Variants in MGST1 observed in about 807,000 individuals in gnomAD.
The protein encoded by MGST1 is microsomal glutathione S-transferase 1, also known as glutathione S-transferase 12.
Under a neutral mutation model 8.9 loss-of-function variants are expected in MGST1, and 5 were observed. That is an observed-to-expected ratio of 0.56 (90% CI 0.29 to 1.19). MGST1 has a LOEUF of 1.19. Among genes scored for constraint, MGST1 ranks in the 50% most tolerant of loss-of-function variants. The probability of loss-of-function intolerance (pLI) is 0.08; values close to 1 mark genes in which losing one functional copy is unlikely to be tolerated. For missense variants in MGST1, 182 were observed against 187.4 expected (o/e 0.97, Z 0.17); for synonymous variants, 54 against 67.8 (o/e 0.80, Z 1.00).
chr12:16,467,153 T>C (rs1941261356), intron 4 of MGST1, among the ~76,000 whole-genome samples: 1 of 152,232 alleles, frequency 6.6e-6, no homozygotes, highest in Non-Finnish European at 1.5e-5. Context: ...CACTAGAAGG[T>C]CAATGTAATA....
chr12:16,542,359 A>G (rs1454403895), intron 4 of MGST1, among the ~76,000 whole-genome samples: 3 of 152,206 alleles, frequency 2.0e-5, no homozygotes, highest in Non-Finnish European at 2.9e-5. Context: ...GCATTTATTT[A>G]TGTCATATTT....
chr12:16,520,845 C>T (rs1022403430), intron 4 of MGST1, among the ~76,000 whole-genome samples: 5 of 152,168 alleles, frequency 3.3e-5, no homozygotes, highest in Non-Finnish European at 7.4e-5. Context: ...TTGTAAGGAG[C>T]CTGTTTCATT....
chr12:16,487,709 G>A (rs1477770643), intron 4 of MGST1, among the ~76,000 whole-genome samples: 6 of 152,072 alleles, frequency 3.9e-5, no homozygotes, highest in Non-Finnish European at 7.4e-5. Flanking sequence ...GGGCAGTGGC[G>A]TGATCGTAGC....
At chr12:16,462,828 A>G in intron 4 of MGST1, among the ~76,000 whole-genome samples, 1 of 152,184 alleles carries the variant, frequency 6.6e-6, no homozygotes, top group East Asian at 1.9e-4. Context: ...TAATACTCAG[A>G]TCTCCTAGCT....
At chr12:16,526,413 C>T (rs1221828549) in intron 4 of MGST1, among the ~76,000 whole-genome samples, 4 of 151,886 alleles carry the variant, frequency 2.6e-5, no homozygotes, top group East Asian at 3.9e-4. Flanking sequence ...ACTCCTAGTG[C>T]GGTATGTTGC....
At chr12:16,397,587 C>T (rs1292029344) in intron 1 of MGST1, among the ~76,000 whole-genome samples, 1 of 151,124 alleles carries the variant, frequency 6.6e-6, no homozygotes, top group Non-Finnish European at 1.5e-5. Flanking sequence ...CAAAAAAAAA[C>T]AAACAACAAA....
At chr12:16,349,225 C>T (rs1939343756) in intron 1 of MGST1, 1 of 152,176 alleles carries the variant, frequency 6.6e-6, no homozygotes, top group Non-Finnish European at 1.5e-5. Flanking sequence ...CCAGATTATT[C>T]ATGTGTTTCA....
rs1476058897 is a variant in MGST1, at chr12:16,456,286, G to T, written n.482+72682G>T. Among the ~76,000 whole-genome samples, 3 of 151,688 alleles carry T rather than the reference G, an allele frequency of 2.0e-5. No homozygotes were observed. The East Asian group carries it at 5.8e-4, about 29-fold the overall frequency. On this transcript the variant is annotated intron_variant and non_coding_transcript_variant, in intron 4 of 4. Transcript: ENST00000538857. ...TTCTTGTAAATGCATATAAGTTATT[G>T]TCAAATATTTTCTGAATGTTAGATA...
rs1940730229 is a variant in MGST1, at chr12:16,410,048, G to A, written n.778+26444G>A. On this transcript the variant is annotated intron_variant and non_coding_transcript_variant, in intron 1 of 1. Transcript: ENST00000359720. This position sits in a 1 kb window ranked among gnomAD's most constrained non-coding sequence, Gnocchi z 4.4. Reference sequence around the variant, plus strand: ...TCTTGTATCCTGGGAAGTGAGTGGGGTAGTGTAGCGCAGATTTAACTCTGA... The same window carrying A: ...TCTTGTATCCTGGGAAGTGAGTGGGATAGTGTAGCGCAGATTTAACTCTGA... Among the ~76,000 whole-genome samples, 1 of 152,124 alleles carries A rather than the reference G, an allele frequency of 6.6e-6. No individual in the cohort carries two copies. The highest frequency in any genetic ancestry group is 1.5e-5 in the Non-Finnish European group (1 of 68,026).
downstream of MGST1, among the ~76,000 whole-genome samples, chr12:16,379,879 G>A (rs1001485218): frequency 1.3e-5 from 2 of 152,120 alleles, no homozygotes; most frequent in Admixed American, 6.6e-5. Flanking sequence ...GTCTTGGGAG[G>A]ATGTATGTGT....
chr12:16,568,070 A>G (rs1243000955), intron 4 of MGST1, among the ~76,000 whole-genome samples: 1 of 152,214 alleles, frequency 6.6e-6, no homozygotes, highest in Non-Finnish European at 1.5e-5. Flanking sequence ...CACTGGCAAC[A>G]ATAGAAAATA....
downstream of MGST1, among the ~76,000 whole-genome samples, chr12:16,440,645 C>T (rs1272535261): frequency 6.6e-6 from 1 of 151,770 alleles, no homozygotes; most frequent in Non-Finnish European, 1.5e-5. Flanking sequence ...TATCCATTCT[C>T]TTCTTCATGA....
intron 4 of MGST1, among the ~76,000 whole-genome samples, chr12:16,498,018 T>G (rs1941481023): frequency 1.3e-5 from 2 of 152,142 alleles, no homozygotes; most frequent in South Asian, 2.1e-4. Flanking sequence ...AGCAAAGTCA[T>G]CACATAAGTA....
In MGST1 at chr12:16,571,116, C is replaced by T. The variant is rs1220512750; in HGVS notation, n.483-18412C>T. The stretch of plus-strand genomic sequence containing the variant: ...ATTTTATCTTACCTCGTTGAAGAAA[C>T]AACCTAACTACTAATGTTTTCTTTT... On this transcript the variant is annotated intron_variant and non_coding_transcript_variant, in intron 4 of 4. Coordinates refer to the MGST1 transcript ENST00000538857. 4.6e-5 allele frequency among the ~76,000 whole-genome samples: 7 copies of T among 152,148 alleles called. No individual in the cohort carries two copies. In the East Asian group the frequency reaches 1.2e-3, roughly 25 times the overall value.
chr12:16,498,942 TA>T (rs1406602997), intron 4 of MGST1, among the ~76,000 whole-genome samples: 1 of 152,190 alleles, frequency 6.6e-6, no homozygotes, highest in Non-Finnish European at 1.5e-5. Flanking sequence ...TGATTTGGGT[TA>T]TACTAAGATA....
chr12:16,461,178 A>AG (rs1262531046), intron 4 of MGST1, among the ~76,000 whole-genome samples: 788 of 13,472 alleles, frequency 0.058, 10 homozygotes, highest in African/African-American at 0.14. Flanking sequence ...GAATGCCCAA[A>AG]GGAAAAAAAA....
chr12:16,551,855 A>T (rs1942002468), intron 4 of MGST1, among the ~76,000 whole-genome samples: 1 of 151,996 alleles, frequency 6.6e-6, no homozygotes, highest in African/African-American at 2.4e-5. Context: ...AATGTTAGTA[A>T]TCTAGAAGTG....
downstream of MGST1, among the ~76,000 whole-genome samples, chr12:16,366,035 C>T (rs1187919961): frequency 1.3e-5 from 2 of 152,110 alleles, no homozygotes; most frequent in Admixed American, 1.3e-4. The surrounding 1 kb of genome is among the most constrained non-coding windows in gnomAD (Gnocchi z 4.0). Context: ...ATTTTCTTCT[C>T]ACTTGGTGAT....
chr12:16,584,990 G>A lies in MGST1; in HGVS notation n.483-4538G>A, dbSNP rs769424514. On this transcript the variant is annotated intron_variant and non_coding_transcript_variant, in intron 4 of 4. Coordinates refer to the MGST1 transcript ENST00000538857. The surrounding 1 kb of genome is among the most constrained non-coding windows in gnomAD (Gnocchi z 5.2). ...AAAAGTTACATACTAGTAGCTGTGT[G>A]CCACATTAGAGTTAGTTGCCAATGT... Among the ~76,000 whole-genome samples the A allele has an allele frequency of 6.6e-6, 1 of 152,174 alleles. No homozygotes were observed. Among genetic ancestry groups the A allele is most frequent in the Non-Finnish European group, 1.5e-5 (1 of 68,010 alleles).
Sources: allele counts gnomAD v4.1 joint callset (sites outside exome capture counted in the v4.1 genomes callset), GRCh38; gene constraint gnomAD v4.1.1; non-coding constraint Gnocchi (gnomAD v3.1); transcripts MANE v1.5; gene names NCBI Gene and HGNC (gene_info 2026-07-23, HGNC 2026-07-21).